Variants in SCN7A observed in about 807,000 individuals in gnomAD.
SCN7A encodes sodium channel protein type 7 subunit alpha.
In SCN7A, 138 loss-of-function variants were observed where a neutral mutation model predicts 155.2. The ratio of observed to expected loss-of-function variants is 0.89; its 90% CI spans 0.77 to 1.02. The LOEUF (loss-of-function observed/expected upper bound fraction) is 1.02. Among genes scored for constraint, SCN7A ranks in the 50% least tolerant of loss-of-function variants. The pLI is 0.00. For missense variants in SCN7A, 2,058 were observed against 1,986.6 expected, an observed-to-expected ratio of 1.04 and a Z score of -0.68; for synonymous variants, 693 against 649.0, an observed-to-expected ratio of 1.07 and a Z score of -1.03.
At chr2:166,456,671 C>A (rs898115567) in intron 11 of SCN7A, among the ~76,000 whole-genome samples, 199 bp downstream of exon 11, 3 of 152,042 alleles carry the variant, frequency 2.0e-5, no homozygotes, top group African/African-American at 7.2e-5. Context: ...AGCCTTAAAG[C>A]ACTTGGCATG....
At chr2:166,438,928 AAG>A (rs1474246268) in intron 15 of SCN7A, among the ~76,000 whole-genome samples, 10 of 150,976 alleles carry the variant, frequency 6.6e-5, no homozygotes, top group Non-Finnish European at 1.2e-4. Context: ...AAAAAATAGA[AAG>A]AGATTGGAGT....
At chr2:166,414,606 G>A (rs1392091303) in intron 21 of SCN7A, 1 of 143,520 alleles carries the variant, frequency 7.0e-6, no homozygotes, top group African/African-American at 2.6e-5. Context: ...TTGGGTACAT[G>A]GGCATGGTCT....
chr2:166,429,172 T>C lies in SCN7A; in HGVS notation c.2695A>G (p.Asn899Asp). 9 of 1,518,642 alleles carry C rather than the reference T, an allele frequency of 5.9e-6. No individual in the cohort carries two copies. The highest frequency in any genetic ancestry group is 7.9e-6 in the Non-Finnish European group (9 of 1,133,130). 94.1% of individuals were successfully genotyped at this position (1,518,642 alleles called of 1,614,324 possible). Residue 899 changes from asparagine (N) to aspartate (D), a missense_variant, in exon 17 of 26, where the codon AAT becomes GAT. Coordinates refer to ENST00000643258, the MANE Select transcript of SCN7A (RefSeq NM_002976.4). ...YGGERSKHLK[N>D]GCRRGSSLGQ... is the part of the protein sequence containing the mutation. ...AAGATTAACAAAATTTTCTTACCAT[T>C]TTTCAGATGCTTTGATCTTTCACCT... is the stretch of plus-strand genomic sequence containing the variant.
intron 2 of SCN7A, among the ~76,000 whole-genome samples, chr2:166,483,062 T>C (rs554217566): frequency 6.6e-6 from 1 of 152,186 alleles, no homozygotes; most frequent in African/African-American, 2.4e-5. Context: ...GTCAATTGTA[T>C]CAAGTCCAGA....
chr2:166,458,989 G>C (rs1702344789), intron 10 of SCN7A, among the ~76,000 whole-genome samples: 2 of 152,076 alleles, frequency 1.3e-5, no homozygotes, highest in Non-Finnish European at 2.9e-5. Context: ...GAAGTATGTA[G>C]GTCATATGCA....
intron 25 of SCN7A, among the ~76,000 whole-genome samples, chr2:166,407,300 G>A (rs1701097221): frequency 6.6e-6 from 1 of 151,950 alleles, no homozygotes. Context: ...GATGAGGGAA[G>A]TATGGCAGTG....
At chr2:166,407,576 T>C (rs190296118) in intron 25 of SCN7A, among the ~76,000 whole-genome samples, 1 of 152,086 alleles carries the variant, frequency 6.6e-6, no homozygotes, top group African/African-American at 2.4e-5. Flanking sequence ...TATAGTGCTT[T>C]AGTGAATCTT....
chr2:166,412,443 C>A (rs577488028), intron 23 of SCN7A, 87 bp downstream of exon 23: 5 of 1,246,256 alleles, frequency 4.0e-6, no homozygotes, highest in Non-Finnish European at 4.1e-6. Context: ...GAATCCAAAG[C>A]CAATTATTTG....
chr2:166,479,867 T>C (rs1394339667), intron 2 of SCN7A, among the ~76,000 whole-genome samples: 1 of 152,130 alleles, frequency 6.6e-6, no homozygotes, highest in East Asian at 1.9e-4. Context: ...CAAGGAAATT[T>C]TAAAGGGAAG....
chr2:166,447,362 A>T (rs1031842405), intron 12 of SCN7A, among the ~76,000 whole-genome samples: 2 of 152,174 alleles, frequency 1.3e-5, no homozygotes, highest in Non-Finnish European at 2.9e-5. Flanking sequence ...ATTTAGTCAC[A>T]AGTTAATATG....
intron 11 of SCN7A, among the ~76,000 whole-genome samples, chr2:166,455,640 C>T (rs960719564): frequency 6.6e-6 from 1 of 152,142 alleles, no homozygotes; most frequent in South Asian, 2.1e-4. Flanking sequence ...CCAAGCCTCA[C>T]TGTCACACAA....
chr2:166,477,287 A>G (rs1702819530), intron 3 of SCN7A, among the ~76,000 whole-genome samples, 176 bp downstream of exon 3: 1 of 151,990 alleles, frequency 6.6e-6, no homozygotes, highest in South Asian at 2.1e-4. Context: ...GTTTTGACAA[A>G]AATCTCCAAT....
intron 11 of SCN7A, among the ~76,000 whole-genome samples, chr2:166,451,764 C>G (rs1559111845): frequency 6.6e-6 from 1 of 152,120 alleles, no homozygotes; most frequent in Non-Finnish European, 1.5e-5. Context: ...AAAAGGCCCT[C>G]AAAGGACCAT....
chr2:166,490,805 C>T (rs1359062095), intron 1 of SCN7A, among the ~76,000 whole-genome samples: 2 of 152,176 alleles, frequency 1.3e-5, no homozygotes, highest in Non-Finnish European at 2.9e-5. Flanking sequence ...ACCTGCCCTC[C>T]CTGCAACTCT....
At chr2:166,424,626 C>A (rs1701583622) in intron 18 of SCN7A, among the ~76,000 whole-genome samples, 1 of 151,504 alleles carries the variant, frequency 6.6e-6, no homozygotes. Context: ...TCTGTATGTC[C>A]AAAATAATGG....
In SCN7A at chr2:166,441,453, T is replaced by C. The variant is rs1480355310; in HGVS notation, c.2100A>G (p.Ala700=). The part of the protein sequence containing the change: ...VETLWDCMEV[A]GQSWCIPFYL... ...AAAAAGGAATACACCAGGATTGGCC[T>C]GCAACCTCCATACAGTCCCACAAGG... The change falls in exon 15 of 26, where the codon GCA becomes GCG. Residue 700 remains alanine (A), a synonymous_variant. Coordinates refer to ENST00000643258, the MANE Select transcript of SCN7A (RefSeq NM_002976.4). 1 of 1,613,450 alleles carries C rather than the reference T, an allele frequency of 6.2e-7. No individual in the cohort carries two copies. Among genetic ancestry groups the C allele is most frequent in the Middle Eastern group, 1.7e-4 (1 of 6,054 alleles).
At chr2:166,419,935 A>G (rs904693445) in intron 20 of SCN7A, among the ~76,000 whole-genome samples, 3 of 152,162 alleles carry the variant, frequency 2.0e-5, no homozygotes, top group Non-Finnish European at 2.9e-5. Flanking sequence ...AACACAAATA[A>G]ATCAAATGTA....
chr2:166,412,811 G>T (rs1701230592), intron 22 of SCN7A, 144 bp from the exon 23 acceptor site: 2 of 1,280,534 alleles, frequency 1.6e-6, no homozygotes, highest in Admixed American at 7.3e-5. Context: ...TTGGTAAAAG[G>T]ATATCATTGC....
At chr2:166,450,205 T>C (rs1413916828) in intron 11 of SCN7A, among the ~76,000 whole-genome samples, 4 of 152,152 alleles carry the variant, frequency 2.6e-5, no homozygotes. Context: ...AGCCAGTTAA[T>C]GCAGGAACAG....
Sources: allele counts gnomAD v4.1 joint callset (sites outside exome capture counted in the v4.1 genomes callset), GRCh38; gene constraint gnomAD v4.1.1; transcripts MANE v1.5; gene names NCBI Gene and HGNC (gene_info 2026-07-23, HGNC 2026-07-21).